Variants in TAB2 observed in about 807,000 individuals in gnomAD.
TAB2 encodes TGF-beta-activated kinase 1 and MAP3K7-binding protein 2.
TAB2 carries 3 observed loss-of-function variants against 65.0 expected under a neutral mutation model. The observed-to-expected ratio is 0.05, with a 90% confidence interval of 0.02 to 0.12. TAB2 has a LOEUF of 0.12. Ranked by LOEUF, TAB2 falls within the 10% of genes least tolerant of loss-of-function variation. The probability of loss-of-function intolerance (pLI) is 1.00; values close to 1 mark genes in which losing one functional copy is unlikely to be tolerated. For synonymous variants in TAB2, 298 were observed against 285.1 expected (o/e 1.05, Z -0.46); for missense variants, 623 against 840.3 (o/e 0.74, Z 3.20).
intron 3 of TAB2, 109 bp downstream of exon 3, chr6:149,379,627 T>C (rs1781543642): frequency 1.0e-6 from 1 of 1,001,272 alleles, no homozygotes; most frequent in African/African-American, 1.6e-5. Context: ...TGTTTAAATA[T>C]TGCCCCAAAT....
chr6:149,395,189 C>A (rs2114935288), intron 3 of TAB2, among the ~76,000 whole-genome samples: 1 of 152,336 alleles, frequency 6.6e-6, no homozygotes, highest in South Asian at 2.1e-4. Flanking sequence ...GACACATAGA[C>A]CCTCAACTTA....
intron 1 of TAB2, among the ~76,000 whole-genome samples, chr6:149,309,719 A>G (rs920485774): frequency 2.6e-5 from 4 of 151,924 alleles, no homozygotes; most frequent in Non-Finnish European, 4.4e-5. Flanking sequence ...CTTTAAAAAA[A>G]AAATGGTCTA....
At chr6:149,261,826 G>A (rs2114667806) in intron 1 of TAB2, among the ~76,000 whole-genome samples, 1 of 152,336 alleles carries the variant, frequency 6.6e-6, no homozygotes, top group Non-Finnish European at 1.5e-5. Flanking sequence ...ACATGAATCA[G>A]GCTTGGCCTT....
At chr6:149,275,123 C>A in intron 1 of TAB2, among the ~76,000 whole-genome samples, 1 of 79,388 alleles carries the variant, frequency 1.3e-5, no homozygotes, top group Non-Finnish European at 2.3e-5. Flanking sequence ...TTCTCTTCTT[C>A]TGTTTTTTTT....
intron 1 of TAB2, among the ~76,000 whole-genome samples, chr6:149,356,201 A>G (rs1780649572): frequency 6.6e-6 from 1 of 152,194 alleles, no homozygotes; most frequent in Non-Finnish European, 1.5e-5. Context: ...AATGTAGGAG[A>G]CTGCCATTCA....
chr6:149,403,253 T>A lies in TAB2; in HGVS notation c.1939+4069T>A, dbSNP rs867035729. 8.8e-4 allele frequency among the ~76,000 whole-genome samples: 28 copies of A among 31,728 alleles called. 1 individual carries two copies. The highest frequency in any genetic ancestry group is 2.6e-3 in the African/African-American group (10 of 3,776). 20.8% of individuals were successfully genotyped at this position (31,728 alleles called of 152,430 possible). A position where few individuals can be genotyped will look rare whatever the true frequency, so the allele number is the denominator to read the frequency against. On this transcript the variant is annotated intron_variant, in intron 6 of 6. Coordinates refer to ENST00000637181, the MANE Select transcript of TAB2 (RefSeq NM_001292034.3). ...CTTGTCTAAAAAAAAAAAAAATATATATATATATATATATATATATATATA... is the reference window on the plus strand; with the variant it reads ...CTTGTCTAAAAAAAAAAAAAATATAAATATATATATATATATATATATATA...
At chr6:149,316,572 C>A (rs1190296041), upstream of TAB2, among the ~76,000 whole-genome samples, 1 of 152,022 alleles carries the variant, frequency 6.6e-6, no homozygotes, top group African/African-American at 2.4e-5. Flanking sequence ...CATGGAAGCG[C>A]TAGAATTTTT....
rs1046110757 is a variant in TAB2, at chr6:149,235,611, C to A, written c.-121+16835C>A. Among the ~76,000 whole-genome samples the A allele has an allele frequency of 7.2e-5, 11 of 152,284 alleles. No homozygotes were observed. In the East Asian group the frequency reaches 1.5e-3, roughly 21 times the overall value. On this transcript the variant is annotated intron_variant, in intron 1 of 1. Transcript: ENST00000606202. ...CCATTTCCTAGCTAGGCCGAGGAAC[C>A]AGACTGGGGGTCCACAAGAAACAGA... is the stretch of plus-strand genomic sequence containing the variant.
Position 149,350,220 on chromosome 6 carries a change from C to T in TAB2, c.-89-19689C>T, listed in dbSNP as rs142900054. Among the ~76,000 whole-genome samples, 11 of 152,236 alleles carry T rather than the reference C, an allele frequency of 7.2e-5. 1 individual carries two copies. In the East Asian group the frequency reaches 2.1e-3, roughly 29 times the overall value. On this transcript the variant is annotated intron_variant, in intron 1 of 6. Transcript: ENST00000637181. ...GTGCTAGGATTACAGACGTAAGCCA[C>T]TGCGCCCGGCTGGAATTAATATTTC...
At chr6:149,313,735 T>G (rs1779203874), upstream of TAB2, among the ~76,000 whole-genome samples, 2 of 152,224 alleles carry the variant, frequency 1.3e-5, no homozygotes, top group Non-Finnish European at 2.9e-5. Context: ...TCTCCATCTT[T>G]GACTCCCTGA....
intron 2 of TAB2, among the ~76,000 whole-genome samples, chr6:149,375,571 T>C (rs2114874085): frequency 6.6e-6 from 1 of 152,142 alleles, no homozygotes; most frequent in East Asian, 1.9e-4. Flanking sequence ...AAATGTGGAA[T>C]TGGATTTGGT....
chr6:149,366,955 AT>A (rs199731130), intron 1 of TAB2, among the ~76,000 whole-genome samples: 1,622 of 150,392 alleles, frequency 0.011, 17 homozygotes, highest in African/African-American at 0.025. Flanking sequence ...TTGTGTATAA[AT>A]TTTTTTTTTT....
At chr6:149,370,469 T>A (rs555553275) in intron 2 of TAB2, among the ~76,000 whole-genome samples, 1 of 152,232 alleles carries the variant, frequency 6.6e-6, no homozygotes, top group Non-Finnish European at 1.5e-5. Context: ...TCAGGAAACT[T>A]GGGTTATAAT....
At chr6:149,353,674 T>C (rs970774618) in intron 1 of TAB2, among the ~76,000 whole-genome samples, 5 of 152,312 alleles carry the variant, frequency 3.3e-5, no homozygotes, top group Middle Eastern at 3.4e-3. Flanking sequence ...ATGGAAATGG[T>C]CCACGTACAA....
At chr6:149,390,488 T>C (rs757921509) in intron 3 of TAB2, among the ~76,000 whole-genome samples, 1 of 152,194 alleles carries the variant, frequency 6.6e-6, no homozygotes, top group Non-Finnish European at 1.5e-5. Flanking sequence ...TTTGACATTA[T>C]TTACAGTAAA....
At chr6:149,259,061 T>G (rs1172501730) in intron 1 of TAB2, among the ~76,000 whole-genome samples, 2 of 152,136 alleles carry the variant, frequency 1.3e-5, no homozygotes, top group Non-Finnish European at 2.9e-5. Flanking sequence ...AGGAACACAA[T>G]GCTGTCAACC....
intron 1 of TAB2, among the ~76,000 whole-genome samples, chr6:149,276,397 G>C (rs1000756560): frequency 6.6e-6 from 1 of 152,142 alleles, no homozygotes; most frequent in South Asian, 2.1e-4. Flanking sequence ...TAATGTGCTA[G>C]CGATGAGACA....
At chr6:149,306,752 A>C (rs1456505925) in intron 1 of TAB2, among the ~76,000 whole-genome samples, 10 of 152,090 alleles carry the variant, frequency 6.6e-5, no homozygotes, top group Admixed American at 6.6e-4. Context: ...ACTTCGTCTC[A>C]AAAAAGAAAA....
At chr6:149,232,414 GACGGGGTTTC>G (rs1777422846) in intron 1 of TAB2, among the ~76,000 whole-genome samples, 1 of 152,138 alleles carries the variant, frequency 6.6e-6, no homozygotes, top group African/African-American at 2.4e-5. Flanking sequence ...TTTTAGTAGA[GACGGGGTTTC>G]ACCATTTTGC....
Sources: gnomAD v4.1 joint callset for allele counts (sites outside exome capture counted in the v4.1 genomes callset) on GRCh38, gnomAD v4.1.1 for gene constraint, MANE v1.5 for transcripts, NCBI Gene and HGNC (gene_info 2026-07-23, HGNC 2026-07-21) for gene names.